Variants in KIAA0586 observed in about 807,000 individuals in gnomAD.
The protein encoded by KIAA0586 is protein TALPID3.
In KIAA0586, 144 loss-of-function variants were observed where a neutral mutation model predicts 169.8. The ratio of observed to expected loss-of-function variants is 0.85; its 90% CI spans 0.74 to 0.97. The LOEUF (loss-of-function observed/expected upper bound fraction) is 0.97. Among genes scored for constraint, KIAA0586 ranks in the 50% least tolerant of loss-of-function variants. KIAA0586 has a pLI of 0.00. For missense variants in KIAA0586, 1,854 were observed against 1,823.0 expected (o/e 1.02, Z -0.31); for synonymous variants, 625 against 612.4 (o/e 1.02, Z -0.30).
chr14:58,529,474 C>T (rs1164332610), intron 29 of KIAA0586, among the ~76,000 whole-genome samples: 5 of 152,088 alleles, frequency 3.3e-5, no homozygotes, highest in Admixed American at 2.6e-4. Flanking sequence ...ACTGGCAAAC[C>T]GAATCCAGCA....
At chr14:58,486,931 A>G in intron 21 of KIAA0586, 76 bp from the exon 22 acceptor site, 1 of 1,193,766 alleles carries the variant, frequency 8.4e-7, no homozygotes. Flanking sequence ...TAGTCTATGA[A>G]TGAGTTCATA....
At chr14:58,452,087 A>G (rs1358441031) in intron 8 of KIAA0586, among the ~76,000 whole-genome samples, 2 of 152,234 alleles carry the variant, frequency 1.3e-5, no homozygotes, top group Non-Finnish European at 2.9e-5. Context: ...ATGATAATGC[A>G]AAGCCATAAG....
intron 24 of KIAA0586, 41 bp downstream of exon 24, chr14:58,488,915 T>C: frequency 6.3e-7 from 1 of 1,582,696 alleles, no homozygotes; most frequent in Non-Finnish European, 8.6e-7. Context: ...TGTTAGATTA[T>C]GCTAATTCCC....
chr14:58,484,745 G>A (rs1251858807), intron 21 of KIAA0586, among the ~76,000 whole-genome samples: 1 of 148,710 alleles, frequency 6.7e-6, no homozygotes, highest in Admixed American at 6.8e-5. Context: ...TAATTATTAA[G>A]CAATGCTATA....
intron 17 of KIAA0586, among the ~76,000 whole-genome samples, chr14:58,471,531 G>A (rs1411687415): frequency 6.6e-6 from 1 of 152,138 alleles, no homozygotes; most frequent in Non-Finnish European, 1.5e-5. Context: ...AAGCAAACTT[G>A]GCCAAGGGTA....
rs188902137 is a variant in KIAA0586, at chr14:58,444,866, C to T, written c.807+691C>T. Among the ~76,000 whole-genome samples, 412 of 143,398 alleles carry T rather than the reference C, an allele frequency of 2.9e-3. 4 individuals carry two copies. The highest frequency in any genetic ancestry group is 0.01 in the African/African-American group (392 of 38,190). The allele number at this position is 143,398 out of a possible 152,430, so 94.1% of individuals were successfully genotyped here. ...CCAAGCTAAGAGGATTGCTTGAGGCCGAGAGTTCAAGATAAGCCTGGTTGA... is the reference window on the plus strand; with the variant it reads ...CCAAGCTAAGAGGATTGCTTGAGGCTGAGAGTTCAAGATAAGCCTGGTTGA... On this transcript the variant is annotated intron_variant, in intron 6 of 30. Transcript: ENST00000652326.
At chr14:58,543,254 C>G (rs1044984210) in intron 30 of KIAA0586, among the ~76,000 whole-genome samples, 2 of 151,940 alleles carry the variant, frequency 1.3e-5, no homozygotes, top group African/African-American at 2.4e-5. Context: ...TTTTCTATCC[C>G]TCTTACCTTT....
intron 26 of KIAA0586, among the ~76,000 whole-genome samples, chr14:58,497,263 A>G (rs1269712909): frequency 1.3e-5 from 2 of 151,974 alleles, no homozygotes; most frequent in Admixed American, 6.6e-5. Flanking sequence ...GTGACCCACC[A>G]TGCCCAGCCA....
intron 24 of KIAA0586, 136 bp downstream of exon 24, chr14:58,489,010 CA>C: frequency 1.1e-6 from 1 of 889,862 alleles, no homozygotes; most frequent in Non-Finnish European, 1.7e-6. Flanking sequence ...GGACTCAATG[CA>C]ATTTAGTTAA....
At position 58,512,755 on chromosome 14, in the gene KIAA0586, C is replaced by G. The variant is rs188870201; in HGVS notation, c.4429+128C>G. The G allele has an allele frequency of 1.4e-5, 8 of 555,138 alleles. No individual in the cohort carries two copies. The Admixed American group carries it at 1.6e-4, about 11-fold the overall frequency. 34.4% of individuals were successfully genotyped at this position (555,138 alleles called of 1,614,324 possible). A position where few individuals can be genotyped will look rare whatever the true frequency, so the allele number is the denominator to read the frequency against. On this transcript the variant is annotated intron_variant, in intron 29 of 30. Coordinates refer to ENST00000652326, the MANE Select transcript of KIAA0586 (RefSeq NM_001329943.3). ...GTTTTTGTTTTCTTTTGTTTTCTCT[C>G]ATTTAGTCCATTTACATGAAGAATC...
rs1313237040 is a variant in KIAA0586 at position 58,460,085 on chromosome 14, T to C, written c.1884+15T>C. On this transcript the variant is annotated intron_variant, in intron 13 of 30. Coordinates refer to ENST00000652326, the MANE Select transcript of KIAA0586 (RefSeq NM_001329943.3). ...AGAGAAAGGAAGTAAGATCCTAATC[T>C]GTTCTTTTAACATAATTGTTGTGTT... The C allele has an allele frequency of 3.0e-6, 4 of 1,353,764 alleles. No homozygotes were observed. Among genetic ancestry groups the C allele is most frequent in the Non-Finnish European group, 2.0e-6 (2 of 995,900 alleles). The allele number at this position is 1,353,764 out of a possible 1,614,324, so 83.9% of individuals were successfully genotyped here. A position where few individuals can be genotyped will look rare whatever the true frequency, so the allele number is the denominator to read the frequency against.
At chr14:58,510,776 A>G (rs2044331603) in intron 28 of KIAA0586, among the ~76,000 whole-genome samples, 1 of 152,142 alleles carries the variant, frequency 6.6e-6, no homozygotes, top group Non-Finnish European at 1.5e-5. Context: ...GTACAGTGAA[A>G]TACTTAGCAA....
intron 14 of KIAA0586, among the ~76,000 whole-genome samples, chr14:58,462,137 TA>T (rs1386601009): frequency 2.6e-5 from 4 of 152,254 alleles, no homozygotes; most frequent in Non-Finnish European, 4.4e-5. Context: ...AGTGTCAGGT[TA>T]TATAGAAATT....
chr14:58,495,888 T>C (rs11850390), intron 26 of KIAA0586, among the ~76,000 whole-genome samples: 26 of 152,270 alleles, frequency 1.7e-4, no homozygotes, highest in African/African-American at 6.0e-4. Context: ...CTCAAAGATA[T>C]AAGCATTCAT....
At chr14:58,556,056 GT>G (rs1396914857), downstream of KIAA0586, among the ~76,000 whole-genome samples, 1 of 152,156 alleles carries the variant, frequency 6.6e-6, no homozygotes, top group Non-Finnish European at 1.5e-5. Flanking sequence ...ATTTTTAGTA[GT>G]TTTAGTGTCT....
chr14:58,430,550 C>A, intron 2 of KIAA0586, 98 bp from the exon 3 acceptor site: 1 of 682,132 alleles, frequency 1.5e-6, no homozygotes, highest in Non-Finnish European at 2.5e-6. Context: ...CAGTCCTGCC[C>A]TCCCAGAACA....
intron 28 of KIAA0586, among the ~76,000 whole-genome samples, chr14:58,511,360 A>G (rs2044370697): frequency 6.6e-6 from 1 of 152,210 alleles, no homozygotes; most frequent in Non-Finnish European, 1.5e-5. Context: ...TTTAATCATT[A>G]TAACAGCCTA....
intron 16 of KIAA0586, among the ~76,000 whole-genome samples, chr14:58,469,902 G>T (rs1413186874): frequency 2.6e-5 from 4 of 152,126 alleles, no homozygotes; most frequent in Non-Finnish European, 5.9e-5. Context: ...ATTTTGGTGA[G>T]GGTTGGGTAA....
Position 58,482,710 on chromosome 14 carries a change from C to T in KIAA0586, c.3142C>T (p.Pro1048Ser). Residue 1048 changes from proline to serine, a missense_variant and splice_region_variant, in exon 21 of 31, where the codon CCG (proline) becomes TCG (serine). By Grantham distance (74) the Pro-to-Ser change is moderately conservative. Transcript: ENST00000652326. The part of the protein sequence containing the change: ...GDASTNETYL[P>S]ARVCTPLPTP... ...TGCTTCAACAAATGAAACATATTTG[C>T]CGGTATGGGGAATTTTTGAGACATT... The T allele has an allele frequency of 1.3e-6, 2 of 1,550,318 alleles. No homozygotes were observed. The highest frequency in any genetic ancestry group is 8.7e-7 in the Non-Finnish European group (1 of 1,147,884).
Sources: allele counts gnomAD v4.1 joint callset (sites outside exome capture counted in the v4.1 genomes callset), GRCh38; gene constraint gnomAD v4.1.1; transcripts MANE v1.5; gene names NCBI Gene and HGNC (gene_info 2026-07-23, HGNC 2026-07-21).